The following MGMT variants were observed in gnomAD, a reference collection of about 807,000 sequenced individuals.
The protein encoded by MGMT is O-6-methylguanine-DNA methyltransferase.
Under a neutral mutation model 15.9 loss-of-function variants are expected in MGMT, and 14 were observed. The observed-to-expected ratio is 0.88, with a 90% confidence interval of 0.58 to 1.37. The LOEUF (loss-of-function observed/expected upper bound fraction) is 1.37, where lower values mean the gene tolerates loss of function less well. Ranked by LOEUF, MGMT falls within the 40% of genes most tolerant of loss-of-function variation. The pLI, the probability that MGMT is intolerant of heterozygous loss-of-function variation, is 0.00. For synonymous variants in MGMT, 130 were observed against 118.2 expected (o/e 1.10, Z -0.65); for missense variants, 282 against 268.1 (o/e 1.05, Z -0.36).
chr10:129,764,974 T>G (rs1848916759), intron 4 of MGMT, among the ~76,000 whole-genome samples: 1 of 152,092 alleles, frequency 6.6e-6, no homozygotes, highest in Admixed American at 6.5e-5. Context: ...ATCTCCCATG[T>G]GCCTTCTACG....
intron 3 of MGMT, among the ~76,000 whole-genome samples, chr10:129,745,029 G>A (rs1848678030): frequency 6.6e-6 from 1 of 152,128 alleles, no homozygotes; most frequent in South Asian, 2.1e-4. Flanking sequence ...CGTGAGTCTG[G>A]TGGAGGAGCC....
chr10:129,669,559 T>G (rs1427116070), intron 2 of MGMT, among the ~76,000 whole-genome samples: 1 of 151,932 alleles, frequency 6.6e-6, no homozygotes, highest in Non-Finnish European at 1.5e-5. Context: ...ACATTTTTCT[T>G]TCAGCATGGC....
chr10:129,686,724 AT>A (rs1360411786), intron 2 of MGMT, among the ~76,000 whole-genome samples: 7 of 152,274 alleles, frequency 4.6e-5, no homozygotes, highest in African/African-American at 1.4e-4. Context: ...CCTGGACGGT[AT>A]TTCCTAAATG....
At chr10:129,634,367 CTG>C (rs760189828) in intron 2 of MGMT, among the ~76,000 whole-genome samples, 3 of 152,130 alleles carry the variant, frequency 2.0e-5, no homozygotes, top group South Asian at 2.1e-4. Context: ...CATCTTGTAT[CTG>C]TGCATTTGCA....
intron 3 of MGMT, chr10:129,717,487 A>T (rs1261597263): frequency 6.6e-6 from 1 of 152,224 alleles, no homozygotes; most frequent in Non-Finnish European, 1.5e-5. Context: ...TTGTATTTTA[A>T]TGGAATTTTA....
chr10:129,637,397 A>G (rs538129507), intron 2 of MGMT, among the ~76,000 whole-genome samples: 1 of 152,296 alleles, frequency 6.6e-6, no homozygotes, highest in Non-Finnish European at 1.5e-5. Flanking sequence ...ACTTGGGATC[A>G]TGCTTCAGGA....
chr10:129,468,027 T>C (rs1845189276), intron 1 of MGMT, among the ~76,000 whole-genome samples: 1 of 152,212 alleles, frequency 6.6e-6, no homozygotes, highest in East Asian at 1.9e-4. Context: ...AACCTATGCC[T>C]GCTGAGATCA....
chr10:129,710,728 G>C (rs1434744), intron 3 of MGMT, among the ~76,000 whole-genome samples: 79,932 of 151,974 alleles, frequency 0.53, 21,485 homozygotes, highest in East Asian at 0.65. Context: ...CAGTGAGGGG[G>C]CAGGTCTTCT....
chr10:129,484,231 C>G (rs776130507), intron 1 of MGMT, among the ~76,000 whole-genome samples: 5 of 152,160 alleles, frequency 3.3e-5, no homozygotes, highest in African/African-American at 4.8e-5. Context: ...CCTGCCTCCC[C>G]TTTTTCTGAG....
intron 2 of MGMT, among the ~76,000 whole-genome samples, chr10:129,602,538 A>G (rs754511755): frequency 5.9e-5 from 9 of 152,168 alleles, no homozygotes; most frequent in Non-Finnish European, 1.2e-4. Context: ...GTCACAATCC[A>G]AAGGGTTGAG....
intron 2 of MGMT, among the ~76,000 whole-genome samples, chr10:129,627,623 C>T (rs1398537137): frequency 6.6e-6 from 1 of 152,138 alleles, no homozygotes; most frequent in African/African-American, 2.4e-5. Flanking sequence ...TCCTCACAGC[C>T]GTATGATTTC....
At chr10:129,688,087 C>T (rs1419818499) in intron 2 of MGMT, among the ~76,000 whole-genome samples, 1 of 152,156 alleles carries the variant, frequency 6.6e-6, no homozygotes, top group Non-Finnish European at 1.5e-5. Context: ...TTTCTTAATC[C>T]AGTCTATCAT....
chr10:129,597,926 C>T (rs1846770036), intron 2 of MGMT, among the ~76,000 whole-genome samples: 2 of 152,110 alleles, frequency 1.3e-5, no homozygotes, highest in African/African-American at 4.8e-5. Context: ...GTGGCATTGA[C>T]GTATTCTGTG....
intron 2 of MGMT, among the ~76,000 whole-genome samples, chr10:129,576,099 C>G (rs948202871): frequency 1.3e-5 from 2 of 152,168 alleles, no homozygotes; most frequent in African/African-American, 4.8e-5. Context: ...CGAATTCTAC[C>G]AGAGGTATAA....
chr10:129,580,312 A>G (rs1036126286), intron 2 of MGMT, among the ~76,000 whole-genome samples: 19 of 152,220 alleles, frequency 1.2e-4, no homozygotes, highest in Non-Finnish European at 2.5e-4. Flanking sequence ...GTCGGCTTAA[A>G]TGGTTTAATC....
intron 2 of MGMT, among the ~76,000 whole-genome samples, chr10:129,548,756 G>C (rs1278839076): frequency 1.3e-5 from 2 of 152,148 alleles, no homozygotes; most frequent in Non-Finnish European, 2.9e-5. Flanking sequence ...GGGTGCTGGG[G>C]AGGCAGATTT....
intron 2 of MGMT, among the ~76,000 whole-genome samples, chr10:129,612,620 A>G (rs1846974409): frequency 6.6e-6 from 1 of 152,130 alleles, no homozygotes; most frequent in African/African-American, 2.4e-5. Context: ...ACCCCATATA[A>G]ATAGGAACAA....
chr10:129,720,939 G>A (rs1229408231), intron 3 of MGMT, among the ~76,000 whole-genome samples: 2 of 127,538 alleles, frequency 1.6e-5, no homozygotes, highest in Non-Finnish European at 3.3e-5. Flanking sequence ...TAAATGTCAG[G>A]GGGAAAAAAA....
chr10:129,700,542 G>T (rs1848086788), intron 2 of MGMT: 1 of 152,112 alleles, frequency 6.6e-6, no homozygotes, highest in Admixed American at 6.5e-5. Flanking sequence ...TTCCCTTCCT[G>T]CGCAGTCGGC....
Sources: allele counts gnomAD v4.1 joint callset (sites outside exome capture counted in the v4.1 genomes callset), GRCh38; gene constraint gnomAD v4.1.1; transcripts MANE v1.5; gene names NCBI Gene and HGNC (gene_info 2026-07-23, HGNC 2026-07-21).